DCC: variants seen among roughly 807,000 people sequenced by gnomAD.
DCC encodes the protein DCC netrin 1 receptor, also known as netrin receptor DCC.
DCC carries 58 observed loss-of-function variants against 172.5 expected under a neutral mutation model. That is an observed-to-expected ratio of 0.34 (90% CI 0.27 to 0.42). DCC has a LOEUF of 0.42. DCC is among the 10% of genes least tolerant of loss of function. DCC has a pLI of 1.00. For missense variants in DCC, 1,740 were observed against 1,791.0 expected (o/e 0.97, Z 0.51); for synonymous variants, 709 against 644.5 (o/e 1.10, Z -1.52).
chr18:52,816,935 C>T (rs1022908080), intron 2 of DCC: 5 of 152,090 alleles, frequency 3.3e-5, no homozygotes, highest in Non-Finnish European at 7.4e-5. Context: ...ACCTCAGTTA[C>T]TTTTTGCAAG....
chr18:53,459,595 A>G (rs979881059), intron 24 of DCC, 137 bp downstream of exon 24: 21 of 695,176 alleles, frequency 3.0e-5, no homozygotes, highest in Middle Eastern at 4.7e-4. Flanking sequence ...AAATGGATCT[A>G]ATATAAATTT....
rs776080029 is a variant in DCC, at chr18:52,802,643, CTTTTTTTTTTTTTTTTTTTTTTTTTT to C, written c.412+50284_412+50309del. Among the ~76,000 whole-genome samples, 60 of 38,202 alleles carry C rather than the reference CTTTTTTTTTTTTTTTTTTTTTTTTTT, an allele frequency of 1.6e-3. 1 individual carries two copies. The highest frequency in any genetic ancestry group is 4.9e-3 in the African/African-American group (53 of 10,878). 25.1% of individuals were successfully genotyped at this position (38,202 alleles called of 152,430 possible). A position where few individuals can be genotyped will look rare whatever the true frequency, so the allele number is the denominator to read the frequency against. ...ACAGGTACACATCACCACGCCAAGC[CTTTTTTTTTTTTTTTTTTTTTTTTTT>C]TTTTTTTTTTTTTTAATGGAGACAC... On this transcript the variant is annotated intron_variant, in intron 2 of 28. Coordinates refer to ENST00000442544, the MANE Select transcript of DCC (RefSeq NM_005215.4).
intron 1 of DCC, among the ~76,000 whole-genome samples, chr18:52,377,992 G>T (rs968303371): frequency 2.6e-5 from 4 of 151,992 alleles, no homozygotes; most frequent in African/African-American, 9.7e-5. Context: ...GAGCCTCTGC[G>T]CCTGGCCAAG....
intron 7 of DCC, among the ~76,000 whole-genome samples, chr18:53,115,495 C>G (rs1046966707): frequency 1.3e-5 from 2 of 151,332 alleles, no homozygotes; most frequent in African/African-American, 4.8e-5. Context: ...TAGAAGATAG[C>G]TTTCTAAATC....
chr18:52,607,017 A>G (rs978993700), intron 1 of DCC, among the ~76,000 whole-genome samples: 1 of 152,184 alleles, frequency 6.6e-6, no homozygotes, highest in African/African-American at 2.4e-5. Flanking sequence ...TTGAAATGCT[A>G]AAGGTCATTT....
chr18:52,584,569 C>G (rs2033627550), intron 1 of DCC, among the ~76,000 whole-genome samples: 1 of 152,116 alleles, frequency 6.6e-6, no homozygotes, highest in Admixed American at 6.5e-5. Context: ...TGTCGATGGA[C>G]AACTTTGGTT....
At chr18:53,374,462 T>C (rs1271626808) in intron 15 of DCC, among the ~76,000 whole-genome samples, 2 of 152,206 alleles carry the variant, frequency 1.3e-5, no homozygotes, top group African/African-American at 4.8e-5. Flanking sequence ...ATCATCTAAC[T>C]GGCATGCTGG....
At chr18:53,320,059 ACG>A in intron 13 of DCC, among the ~76,000 whole-genome samples, 1 of 140,806 alleles carries the variant, frequency 7.1e-6, no homozygotes, top group Non-Finnish European at 1.5e-5. Context: ...CTTCTACATA[ACG>A]CAAGAGTACT....
chr18:52,943,020 T>A (rs957773305), intron 5 of DCC, among the ~76,000 whole-genome samples: 2 of 152,204 alleles, frequency 1.3e-5, no homozygotes, highest in African/African-American at 4.8e-5. Flanking sequence ...CCACAGAGTA[T>A]GCATTCAAAT....
At chr18:53,280,337 A>G (rs1055077428) in intron 12 of DCC, among the ~76,000 whole-genome samples, 5 of 152,116 alleles carry the variant, frequency 3.3e-5, no homozygotes, top group Non-Finnish European at 5.9e-5. Flanking sequence ...TTTCAGAGAC[A>G]TTTGTAGGTT....
At chr18:52,767,011 G>C (rs1424772833) in intron 2 of DCC, among the ~76,000 whole-genome samples, 2 of 151,654 alleles carry the variant, frequency 1.3e-5, no homozygotes, top group African/African-American at 4.8e-5. Flanking sequence ...CATGAAGAAG[G>C]CTTTTTCTAT....
At chr18:53,237,359 C>A (rs1300527678) in intron 12 of DCC, among the ~76,000 whole-genome samples, 3 of 152,092 alleles carry the variant, frequency 2.0e-5, no homozygotes, top group African/African-American at 7.2e-5. Flanking sequence ...TATATCTTGG[C>A]ATATTTGAAT....
At chr18:52,355,522 A>G (rs145730273) in intron 1 of DCC, among the ~76,000 whole-genome samples, 71 of 152,242 alleles carry the variant, frequency 4.7e-4, no homozygotes, top group Middle Eastern at 3.4e-3. Flanking sequence ...AAAACATTAC[A>G]CTCAAGGATT....
chr18:52,864,758 ATGAG>A (rs1334920682), intron 2 of DCC, among the ~76,000 whole-genome samples: 2 of 149,816 alleles, frequency 1.3e-5, no homozygotes, highest in Non-Finnish European at 3.0e-5. Flanking sequence ...TGTTCAACTT[ATGAG>A]TGAGAACATG....
At chr18:52,427,877 T>A (rs1417515890) in intron 1 of DCC, among the ~76,000 whole-genome samples, 1 of 145,804 alleles carries the variant, frequency 6.9e-6, no homozygotes, top group East Asian at 2.0e-4. Context: ...CCTTCCTTCC[T>A]TCCTTCCTTC....
At chr18:53,287,981 T>C (rs2056955928) in intron 12 of DCC, among the ~76,000 whole-genome samples, 1 of 152,138 alleles carries the variant, frequency 6.6e-6, no homozygotes, top group Non-Finnish European at 1.5e-5. Flanking sequence ...TCTTTGAGCA[T>C]GTACGCAATC....
chr18:53,001,967 A>C (rs529014655), intron 5 of DCC, among the ~76,000 whole-genome samples: 1 of 152,254 alleles, frequency 6.6e-6, no homozygotes, highest in Admixed American at 6.6e-5. Flanking sequence ...TGAAAAACAC[A>C]ATAAAAAATA....
intron 1 of DCC, among the ~76,000 whole-genome samples, chr18:52,502,520 A>AT (rs1395339207): frequency 6.6e-6 from 1 of 152,070 alleles, no homozygotes; most frequent in Non-Finnish European, 1.5e-5. Flanking sequence ...TCTATTTTAG[A>AT]TTTTCTGATT....
intron 2 of DCC, among the ~76,000 whole-genome samples, chr18:52,894,155 T>C (rs745820764): frequency 2.7e-4 from 41 of 152,206 alleles, no homozygotes; most frequent in Non-Finnish European, 4.6e-4. Context: ...TCTTTTCTGA[T>C]TATTGATTTC....
Sources: gnomAD v4.1 joint callset for allele counts (sites outside exome capture counted in the v4.1 genomes callset) on GRCh38, gnomAD v4.1.1 for gene constraint, MANE v1.5 for transcripts, NCBI Gene and HGNC (gene_info 2026-07-23, HGNC 2026-07-21) for gene names.